The following EFCAB5 variants were observed in gnomAD, a reference collection of about 807,000 sequenced individuals.
EFCAB5 encodes the protein EF-hand calcium binding domain 5.
EFCAB5 carries 131 observed loss-of-function variants against 167.9 expected under a neutral mutation model. The observed-to-expected ratio is 0.78, with a 90% CI of 0.68 to 0.90. The LOEUF (loss-of-function observed/expected upper bound fraction) is 0.90, where lower values mean the gene tolerates loss of function less well. Ranked by LOEUF, EFCAB5 falls within the 40% of genes least tolerant of loss-of-function variation. EFCAB5 has a pLI of 0.00. For synonymous variants in EFCAB5, 574 were observed against 602.8 expected, an observed-to-expected ratio of 0.95 and a Z score of 0.70; for missense variants, 1,663 against 1,745.2, an observed-to-expected ratio of 0.95 and a Z score of 0.84.
intron 3 of EFCAB5, among the ~76,000 whole-genome samples, chr17:29,948,940 G>A (rs2067456158): frequency 6.6e-6 from 1 of 152,072 alleles, no homozygotes; most frequent in Admixed American, 6.6e-5. Flanking sequence ...CTTTGCAGCA[G>A]TCATTCTACA....
intron 14 of EFCAB5, chr17:30,068,562 C>T (rs567040270): frequency 3.1e-5 from 26 of 837,246 alleles, no homozygotes; most frequent in Non-Finnish European, 4.6e-5. Flanking sequence ...TGAAAATGAC[C>T]ATACTACCGC....
chr17:29,977,929 T>C (rs1255579215), intron 4 of EFCAB5, among the ~76,000 whole-genome samples: 1 of 152,234 alleles, frequency 6.6e-6, no homozygotes, highest in Non-Finnish European at 1.5e-5. Context: ...TATTGGAATG[T>C]GTTATTTGCA....
upstream of EFCAB5, among the ~76,000 whole-genome samples, chr17:29,938,697 C>G (rs1186988089): frequency 6.6e-6 from 1 of 152,218 alleles, no homozygotes; most frequent in South Asian, 2.1e-4. Context: ...AAACTGCTTT[C>G]TTTGCCCATC....
At position 30,087,169 on chromosome 17, in the gene EFCAB5, T is replaced by G; in HGVS notation, c.3683+3T>G. The stretch of plus-strand genomic sequence containing the variant: ...CACAGGAAGTCATGCATCTTCAGGT[T>G]AGAGACATGTCTGTTTTGTTTGACT... On this transcript the variant is annotated splice_donor_region_variant and intron_variant, in intron 19 of 22. Coordinates refer to ENST00000394835, the MANE Select transcript of EFCAB5 (RefSeq NM_198529.4). The G allele has an allele frequency of 6.2e-7, 1 of 1,612,730 alleles. No homozygotes were observed. Among genetic ancestry groups the G allele is most frequent in the Middle Eastern group, 1.7e-4 (1 of 6,058 alleles).
In EFCAB5 at chr17:30,020,039, T is replaced by C. The variant is rs117840348; in HGVS notation, c.1045-14191T>C. ...TGAGATCGTGTTGTATTTGTCTTTC[T>C]GTACTTGGCTTATTTCACTTAGCAT... On this transcript the variant is annotated intron_variant, in intron 7 of 22. Transcript: ENST00000394835. Among the ~76,000 whole-genome samples, 420 of 152,342 alleles carry C rather than the reference T, an allele frequency of 2.8e-3. 3 individuals are homozygous for C. The highest frequency in any genetic ancestry group is 7.3e-3 in the African/African-American group (302 of 41,582).
At chr17:30,089,972 T>C (rs553645623) in intron 19 of EFCAB5, among the ~76,000 whole-genome samples, 178 of 152,294 alleles carry the variant, frequency 1.2e-3, no homozygotes, top group African/African-American at 4.2e-3. Flanking sequence ...CTCACAGGTT[T>C]CTCCAGCGAA....
intron 8 of EFCAB5, among the ~76,000 whole-genome samples, chr17:30,048,294 T>C (rs960047789): frequency 1.8e-4 from 28 of 151,946 alleles, no homozygotes; most frequent in Non-Finnish European, 3.8e-4. Flanking sequence ...AGGAAGGACC[T>C]GGTATTATGG....
chr17:30,094,507 CAAAAAAA>C (rs57885339), intron 22 of EFCAB5, among the ~76,000 whole-genome samples: 71 of 40,714 alleles, frequency 1.7e-3, no homozygotes, highest in Admixed American at 2.7e-3. Flanking sequence ...CTTGTCTCTC[CAAAAAAA>C]AAAAAAAAAA....
chr17:29,932,039 T>G (rs1190504887), intron 1 of EFCAB5, among the ~76,000 whole-genome samples: 7 of 152,240 alleles, frequency 4.6e-5, no homozygotes, highest in Non-Finnish European at 8.8e-5. Flanking sequence ...CTTTTTGAGC[T>G]TTAATTCCTT....
At chr17:30,083,131 T>C in intron 18 of EFCAB5, 88 bp downstream of exon 18, 1 of 1,438,144 alleles carries the variant, frequency 7.0e-7, no homozygotes. Context: ...ACCATATTAA[T>C]TAGCTATTAG....
chr17:30,000,279 C>T (rs761254519), intron 7 of EFCAB5, among the ~76,000 whole-genome samples: 5 of 152,084 alleles, frequency 3.3e-5, no homozygotes, highest in Admixed American at 6.6e-5. Flanking sequence ...AGATCTAAAA[C>T]TTACAAAAAC....
intron 14 of EFCAB5, among the ~76,000 whole-genome samples, chr17:30,062,508 C>A (rs2070451714): frequency 6.6e-6 from 1 of 152,234 alleles, no homozygotes; most frequent in African/African-American, 2.4e-5. Flanking sequence ...TTAAGCCCAG[C>A]TGAGGGAGCT....
chr17:29,941,817 A>AGAGGAACTCAGAGC lies in EFCAB5; in HGVS notation c.33_34insGCGAGGAACTCAGA (p.Pro12AlafsTer21). On this transcript the variant is annotated frameshift_variant, in exon 1 of 23. Transcript: ENST00000394835. LOFTEE classifies it high-confidence loss of function. ...TCCAAATGAATGAGTCAGCATCTCA[A>AGAGGAACTCAGAGC]GAGGAACTCAGACCTGCTCAGGTTC... is the stretch of plus-strand genomic sequence containing the variant. 5.6e-6 allele frequency: 9 copies of AGAGGAACTCAGAGC among 1,605,480 alleles called. No homozygotes were observed. The highest frequency in any genetic ancestry group is 6.8e-6 in the Non-Finnish European group (8 of 1,175,338).
In EFCAB5 at chr17:30,034,341, A is replaced by T; in HGVS notation, c.1156A>T (p.Arg386Trp). The T allele has an allele frequency of 1.9e-6, 3 of 1,612,170 alleles. No individual in the cohort carries two copies. Among genetic ancestry groups the T allele is most frequent in the Non-Finnish European group, 2.5e-6 (3 of 1,178,866 alleles). Residue 386 changes from arginine (R) to tryptophan (W), a missense_variant, in exon 8 of 23, where the codon AGG (arginine) becomes TGG (tryptophan). Coordinates refer to ENST00000394835, the MANE Select transcript of EFCAB5 (RefSeq NM_198529.4). ...FREVIKADMR[R>W]QMFAELFLHC... is the part of the protein sequence containing the mutation. Reference sequence around the variant, plus strand: ...GGAGGTCATAAAAGCTGACATGCGGAGGCAGATGTTCGCTGAACTCTTCCT... The same window carrying T: ...GGAGGTCATAAAAGCTGACATGCGGTGGCAGATGTTCGCTGAACTCTTCCT...
chr17:29,947,445 T>TA (rs1567671567), intron 3 of EFCAB5, among the ~76,000 whole-genome samples: 1 of 152,040 alleles, frequency 6.6e-6, no homozygotes. Flanking sequence ...GCAAGGGATT[T>TA]AAAAAAACTG....
intron 3 of EFCAB5, among the ~76,000 whole-genome samples, chr17:29,947,388 G>T: frequency 6.6e-6 from 1 of 152,004 alleles, no homozygotes; most frequent in African/African-American, 2.4e-5. Flanking sequence ...CATGCCGAGC[G>T]ATATAATGGG....
chr17:29,977,323 A>T (rs1046978985), intron 4 of EFCAB5, among the ~76,000 whole-genome samples: 27 of 152,168 alleles, frequency 1.8e-4, no homozygotes, highest in Non-Finnish European at 8.8e-5. Context: ...AAAGAAGGTA[A>T]ATTTTACTGT....
chr17:30,050,174 G>A (rs1271762447), intron 8 of EFCAB5, among the ~76,000 whole-genome samples: 1 of 148,820 alleles, frequency 6.7e-6, no homozygotes, highest in Non-Finnish European at 1.5e-5. Flanking sequence ...TGCTCTTGTT[G>A]CCTAGGCTGG....
chr17:29,975,495 G>A (rs1434964545), intron 4 of EFCAB5, among the ~76,000 whole-genome samples: 1 of 152,142 alleles, frequency 6.6e-6, no homozygotes, highest in East Asian at 1.9e-4. Flanking sequence ...GACCTCAGGT[G>A]ATCTACCCAC....
Sources: allele counts gnomAD v4.1 joint callset (sites outside exome capture counted in the v4.1 genomes callset), GRCh38; gene constraint gnomAD v4.1.1; transcripts MANE v1.5; gene names NCBI Gene and HGNC (gene_info 2026-07-23, HGNC 2026-07-21).